The following PLCL1 variants were observed in gnomAD, a reference collection of about 807,000 sequenced individuals.
PLCL1 encodes the protein phospholipase C like 1 (inactive).
PLCL1 carries 41 observed loss-of-function variants against 84.4 expected under a neutral mutation model. The ratio of observed to expected loss-of-function variants is 0.49; its 90% CI spans 0.38 to 0.63. PLCL1 has a LOEUF of 0.63. Ranked by LOEUF, PLCL1 falls within the 30% of genes least tolerant of loss-of-function variation. The probability of loss-of-function intolerance (pLI) is 0.00; values close to 1 mark genes in which losing one functional copy is unlikely to be tolerated. For missense variants in PLCL1, 1,206 were observed against 1,367.8 expected (o/e 0.88, Z 1.87); for synonymous variants, 490 against 488.3 (o/e 1.00, Z -0.05).
Position 198,037,691 on chromosome 2 carries a change from CG to C in PLCL1, c.241-46065del, listed in dbSNP as rs146974570. 9.6e-3 allele frequency among the ~76,000 whole-genome samples: 1,464 copies of C among 152,210 alleles called. 15 individuals carry two copies. Among genetic ancestry groups the C allele is most frequent in the South Asian group, 0.027 (130 of 4,826 alleles). On this transcript the variant is annotated intron_variant, in intron 1 of 5. Coordinates refer to ENST00000428675, the MANE Select transcript of PLCL1 (RefSeq NM_006226.4). ...GAGTCAATTGAGATTTTTTCCAAAA[CG>C]GTTTTATTCTATTTGTACTTGTAAT...
chr2:198,029,607 T>C (rs1042923230), intron 1 of PLCL1, among the ~76,000 whole-genome samples: 1 of 152,142 alleles, frequency 6.6e-6, no homozygotes, highest in Admixed American at 6.6e-5. Flanking sequence ...ATGGGAGACT[T>C]AAGAGCCTTC....
At chr2:197,846,097 C>A (rs1687116933) in intron 1 of PLCL1, among the ~76,000 whole-genome samples, 1 of 152,106 alleles carries the variant, frequency 6.6e-6, no homozygotes, top group Non-Finnish European at 1.5e-5. Flanking sequence ...GGAAAAAAAT[C>A]TGAAAGTACT....
At chr2:197,842,777 A>G (rs1687036386) in intron 1 of PLCL1, among the ~76,000 whole-genome samples, 3 of 152,160 alleles carry the variant, frequency 2.0e-5, no homozygotes. Flanking sequence ...CTTATGCCAC[A>G]TCTGCCTTGT....
chr2:197,941,003 G>A (rs1689147465), intron 1 of PLCL1, among the ~76,000 whole-genome samples: 1 of 151,882 alleles, frequency 6.6e-6, no homozygotes, highest in African/African-American at 2.4e-5. Flanking sequence ...TTGCTGATAT[G>A]CTTTTTAAGT....
intron 1 of PLCL1, among the ~76,000 whole-genome samples, chr2:198,025,169 T>A (rs2196172): frequency 6.6e-6 from 1 of 151,910 alleles, no homozygotes; most frequent in South Asian, 2.1e-4. Context: ...TTTGGAGTAT[T>A]CATTCCTGTC....
rs1415389581 is a variant in PLCL1, at chr2:197,999,825, C to T, written c.241-83933C>T. Among the ~76,000 whole-genome samples, 4 of 152,132 alleles carry T rather than the reference C, an allele frequency of 2.6e-5. No homozygotes were observed. The East Asian group carries it at 7.7e-4, about 29-fold the overall frequency. ...ATTCCTCCCTTTCTTCCCTCTCCTA[C>T]ATATTGTATATGTAATACGTATGTG... On this transcript the variant is annotated intron_variant, in intron 1 of 5. Transcript: ENST00000428675.
intron 1 of PLCL1, among the ~76,000 whole-genome samples, chr2:197,907,573 G>A (rs1372981128): frequency 1.3e-5 from 2 of 152,188 alleles, no homozygotes; most frequent in Non-Finnish European, 2.9e-5. Context: ...ACTTTGGGAA[G>A]TAATTGGTTG....
chr2:198,016,597 C>T (rs756964482), intron 1 of PLCL1, among the ~76,000 whole-genome samples: 7 of 152,112 alleles, frequency 4.6e-5, no homozygotes, highest in African/African-American at 1.7e-4. Flanking sequence ...ATAGCTTCCT[C>T]GACTCTAAAA....
intron 1 of PLCL1, among the ~76,000 whole-genome samples, chr2:197,858,629 T>C (rs538416088): frequency 1.3e-5 from 2 of 152,346 alleles, no homozygotes; most frequent in African/African-American, 4.8e-5. Context: ...CCCTAGGGTC[T>C]GCCATGTTTA....
intron 5 of PLCL1, among the ~76,000 whole-genome samples, chr2:198,142,037 C>A (rs992820430): frequency 1.3e-5 from 2 of 152,084 alleles, no homozygotes; most frequent in African/African-American, 4.8e-5. Context: ...ACTAATATCA[C>A]AAGGGATAGT....
At position 197,992,267 on chromosome 2, in the gene PLCL1, A is replaced by C. The variant is rs532750696; in HGVS notation, c.241-91491A>C. On this transcript the variant is annotated intron_variant, in intron 1 of 5. Coordinates refer to ENST00000428675, the MANE Select transcript of PLCL1 (RefSeq NM_006226.4). Reference sequence around the variant, plus strand: ...AATTCATCATTTTAACTATTAAATTAAATTAATTTATTTTTGAGACAGGGT... The same window carrying C: ...AATTCATCATTTTAACTATTAAATTCAATTAATTTATTTTTGAGACAGGGT... Among the ~76,000 whole-genome samples the C allele has an allele frequency of 6.6e-5, 10 of 152,144 alleles. No homozygotes were observed. In the South Asian group the frequency reaches 2.1e-3, roughly 32 times the overall value.
rs141435779 is a variant in PLCL1 at position 198,040,245 on chromosome 2, G to A, written c.241-43513G>A. Among the ~76,000 whole-genome samples the A allele has an allele frequency of 5.3e-3, 811 of 152,232 alleles. 6 individuals are homozygous for A. Among genetic ancestry groups the A allele is most frequent in the Middle Eastern group, 0.041 (12 of 294 alleles). On this transcript the variant is annotated intron_variant, in intron 1 of 5. Coordinates refer to ENST00000428675, the MANE Select transcript of PLCL1 (RefSeq NM_006226.4). ...GCAAACAGGACAAGATTTTCATCCC[G>A]TGGACATTAGTGCATTTGAAAAACT...
At chr2:197,899,467 C>T (rs1688219454) in intron 1 of PLCL1, among the ~76,000 whole-genome samples, 1 of 151,904 alleles carries the variant, frequency 6.6e-6, no homozygotes, top group South Asian at 2.1e-4. Flanking sequence ...GTGACAATTT[C>T]TATTTGGAAA....
At chr2:197,931,979 T>G (rs1474766318) in intron 1 of PLCL1, among the ~76,000 whole-genome samples, 1 of 152,192 alleles carries the variant, frequency 6.6e-6, no homozygotes. Context: ...ATATCCTGCA[T>G]AGAGCAGAAC....
intron 1 of PLCL1, among the ~76,000 whole-genome samples, chr2:197,943,113 ACTTG>A (rs113569562): frequency 3.3e-5 from 5 of 149,740 alleles, no homozygotes; most frequent in African/African-American, 1.2e-4. Flanking sequence ...GCCTGGAATC[ACTTG>A]CGCCCAGGAG....
intron 1 of PLCL1, among the ~76,000 whole-genome samples, chr2:197,811,352 T>C (rs1222394597): frequency 1.3e-5 from 2 of 152,230 alleles, no homozygotes; most frequent in Non-Finnish European, 2.9e-5. Flanking sequence ...GGATTTAAAA[T>C]TGGATTTCAT....
intron 1 of PLCL1, among the ~76,000 whole-genome samples, chr2:198,040,348 G>A (rs934727422): frequency 6.6e-6 from 1 of 152,118 alleles, no homozygotes; most frequent in Admixed American, 6.6e-5. Flanking sequence ...TTTTTTTGAG[G>A]TTGCAGCCAT....
At chr2:197,933,453 CG>C (rs1171970402) in intron 1 of PLCL1, among the ~76,000 whole-genome samples, 1 of 151,788 alleles carries the variant, frequency 6.6e-6, no homozygotes, top group African/African-American at 2.4e-5. Flanking sequence ...TTAGTAGAAA[CG>C]GGGTTTCGCC....
intron 3 of PLCL1, among the ~76,000 whole-genome samples, chr2:198,099,787 G>T (rs533183410): frequency 6.6e-6 from 1 of 152,144 alleles, no homozygotes; most frequent in Non-Finnish European, 1.5e-5. Flanking sequence ...AGAAGAACTT[G>T]AACTATAAGG....
Sources: gnomAD v4.1 joint callset for allele counts (sites outside exome capture counted in the v4.1 genomes callset) on GRCh38, gnomAD v4.1.1 for gene constraint, MANE v1.5 for transcripts, NCBI Gene and HGNC (gene_info 2026-07-23, HGNC 2026-07-21) for gene names.